Variants in PDXDC1 observed in about 807,000 individuals in gnomAD.
PDXDC1 encodes the protein pyridoxal dependent decarboxylase domain containing 1, also known as pyridoxal-dependent decarboxylase domain-containing protein 1.
In PDXDC1, 42 loss-of-function variants were observed where a neutral mutation model predicts 100.1. The ratio of observed to expected loss-of-function variants is 0.42; its 90% CI spans 0.33 to 0.54. The LOEUF (loss-of-function observed/expected upper bound fraction) is 0.54, where lower values mean the gene tolerates loss of function less well. PDXDC1 is among the 20% of genes least tolerant of loss of function. PDXDC1 has a pLI of 0.10. For missense variants in PDXDC1, 636 were observed against 979.2 expected, an observed-to-expected ratio of 0.65 and a Z score of 4.68; for synonymous variants, 260 against 371.7, an observed-to-expected ratio of 0.70 and a Z score of 3.46.
chr16:14,986,603 A>C (rs1180139399), intron 1 of PDXDC1, among the ~76,000 whole-genome samples: 1 of 152,304 alleles, frequency 6.6e-6, no homozygotes, highest in Non-Finnish European at 1.5e-5. Flanking sequence ...CGTCATTTAT[A>C]CAACAGAATT....
chr16:15,127,950 G>C (rs1311997512), intron 16 of PDXDC1: 3 of 1,509,538 alleles, frequency 2.0e-6, no homozygotes, highest in South Asian at 1.1e-5. Flanking sequence ...GGACCACCCT[G>C]CCCAACCTCC....
intron 4 of PDXDC1, among the ~76,000 whole-genome samples, chr16:15,003,530 T>TA (rs1253246336): frequency 1.3e-5 from 2 of 152,406 alleles, no homozygotes. Flanking sequence ...TTTAGTTCTT[T>TA]AAAAAATGCT....
intron 8 of PDXDC1, among the ~76,000 whole-genome samples, chr16:15,014,608 A>C (rs1334353894): frequency 6.6e-6 from 1 of 152,270 alleles, no homozygotes; most frequent in Non-Finnish European, 1.5e-5. Context: ...AGATTTAGGT[A>C]TGAGGGGAAA....
chr16:15,076,030 A>C (rs940165147), intron 16 of PDXDC1, among the ~76,000 whole-genome samples: 1 of 152,098 alleles, frequency 6.6e-6, no homozygotes, highest in Non-Finnish European at 1.5e-5. Context: ...CTGTAGACCA[A>C]TCCATGCCCC....
intron 16 of PDXDC1, among the ~76,000 whole-genome samples, chr16:15,080,576 G>A (rs2151801141): frequency 6.6e-6 from 1 of 152,192 alleles, no homozygotes; most frequent in East Asian, 1.9e-4. Flanking sequence ...TAGAACTACA[G>A]GTGCACACCA....
intron 16 of PDXDC1, among the ~76,000 whole-genome samples, chr16:15,049,367 C>T (rs1266345611): frequency 6.6e-6 from 1 of 152,114 alleles, no homozygotes; most frequent in Non-Finnish European, 1.5e-5. Flanking sequence ...AGTAATTTCA[C>T]TTCTGGAAAT....
chr16:15,095,084 C>T (rs1380428601), intron 16 of PDXDC1, among the ~76,000 whole-genome samples: 1 of 151,996 alleles, frequency 6.6e-6, no homozygotes, highest in South Asian at 2.1e-4. Context: ...GTCATCCGCC[C>T]GCCTCGGCCT....
At chr16:15,021,715 A>T (rs2042222610) in intron 12 of PDXDC1, among the ~76,000 whole-genome samples, 1 of 152,284 alleles carries the variant, frequency 6.6e-6, no homozygotes, top group African/African-American at 2.4e-5. Context: ...GCATGTGTTA[A>T]ATTACTTGGA....
chr16:15,035,402 G>C, intron 21 of PDXDC1, 47 bp from the exon 22 acceptor site: 2 of 1,147,674 alleles, frequency 1.7e-6, no homozygotes, highest in Non-Finnish European at 2.5e-6. Context: ...TGTCTTCAAG[G>C]GCAGCCTGTG....
chr16:15,111,303 A>G (rs1463453696), intron 16 of PDXDC1, among the ~76,000 whole-genome samples: 1 of 147,032 alleles, frequency 6.8e-6, no homozygotes, highest in African/African-American at 2.5e-5. Context: ...CTAAAAATAC[A>G]AAATTAGCCA....
chr16:14,991,644 G>C (rs1195194819), intron 1 of PDXDC1, among the ~76,000 whole-genome samples: 2 of 151,732 alleles, frequency 1.3e-5, no homozygotes, highest in African/African-American at 4.8e-5. Flanking sequence ...TCAGCCTCCT[G>C]AGTAGCTGAG....
At chr16:14,986,208 C>G (rs1969334192) in intron 1 of PDXDC1, among the ~76,000 whole-genome samples, 3 of 152,284 alleles carry the variant, frequency 2.0e-5, no homozygotes, top group South Asian at 2.1e-4. Flanking sequence ...TGCAGAGGCT[C>G]ACGCCTGTAA....
At chr16:15,052,097 G>T (rs906148678) in intron 16 of PDXDC1, among the ~76,000 whole-genome samples, 5 of 151,876 alleles carry the variant, frequency 3.3e-5, no homozygotes, top group Non-Finnish European at 7.4e-5. Context: ...CCAGTGACCA[G>T]CAGATTTTCT....
downstream of PDXDC1, among the ~76,000 whole-genome samples, chr16:15,141,580 A>G (rs982830738): frequency 2.6e-5 from 4 of 152,196 alleles, no homozygotes; most frequent in African/African-American, 4.8e-5. Flanking sequence ...GGGGCCAGGC[A>G]CACAGGGAAC....
intron 16 of PDXDC1, among the ~76,000 whole-genome samples, chr16:15,090,274 A>G: frequency 6.6e-6 from 1 of 152,194 alleles, no homozygotes. Flanking sequence ...CAGGGTAATT[A>G]CTACAGTGAT....
At chr16:15,101,457 C>T (rs1292224519) in intron 16 of PDXDC1, among the ~76,000 whole-genome samples, 7 of 152,034 alleles carry the variant, frequency 4.6e-5, no homozygotes, top group African/African-American at 1.4e-4. Flanking sequence ...GCTGGAATTA[C>T]AGGTGTGCAC....
the PDXDC1 span, among the ~76,000 whole-genome samples, chr16:15,145,223 G>T: frequency 1.3e-5 from 2 of 152,240 alleles, no homozygotes; most frequent in Non-Finnish European, 2.9e-5. Context: ...CGGCTGTGCG[G>T]GCACAGCAGT....
Position 15,034,512 on chromosome 16 carries a change from T to G in PDXDC1, c.1961T>G (p.Val654Gly). 1 of 1,614,120 alleles carries G rather than the reference T, an allele frequency of 6.2e-7. No homozygotes were observed. The highest frequency in any genetic ancestry group is 1.1e-5 in the South Asian group (1 of 91,082). ...VGSVLNWFSP[V>G]QALQKGRTFN... The stretch of plus-strand genomic sequence containing the variant: ...TCCGTGCTGAATTGGTTTTCTCCGG[T>G]CCAGGCTTTACAGAAGGGAAGAACT... Residue 654 changes from valine (V) to glycine (G), a missense_variant, in exon 21 of 23, where the codon GTC (valine) becomes GGC (glycine). By Grantham distance (109) the Val-to-Gly change is moderately radical. Coordinates refer to ENST00000396410, the MANE Select transcript of PDXDC1 (RefSeq NM_015027.4).
At chr16:15,144,832 T>G in the PDXDC1 span, among the ~76,000 whole-genome samples, 1 of 147,214 alleles carries the variant, frequency 6.8e-6, no homozygotes, top group African/African-American at 2.5e-5. Context: ...AAAGGGCCGT[T>G]TGGAGACAAG....
Sources: allele counts gnomAD v4.1 joint callset (sites outside exome capture counted in the v4.1 genomes callset), GRCh38; gene constraint gnomAD v4.1.1; transcripts MANE v1.5; gene names NCBI Gene and HGNC (gene_info 2026-07-23, HGNC 2026-07-21).